Variants in UBE2N observed in about 807,000 individuals in gnomAD.
UBE2N encodes ubiquitin-conjugating enzyme E2 N.
For synonymous variants in UBE2N, 70 were observed against 69.2 expected (o/e 1.01, Z -0.06); for missense variants, 60 against 192.1 (o/e 0.31, Z 4.07).
At chr12:93,438,335 T>C (rs1565799531) in intron 1 of UBE2N, among the ~76,000 whole-genome samples, 2 of 151,968 alleles carry the variant, frequency 1.3e-5, no homozygotes, top group African/African-American at 4.8e-5. Flanking sequence ...AAAGGGAAAC[T>C]GGTTTATACG....
At chr12:93,420,967 A>G (rs1319072861) in intron 1 of UBE2N, among the ~76,000 whole-genome samples, 2 of 152,204 alleles carry the variant, frequency 1.3e-5, no homozygotes, top group African/African-American at 4.8e-5. Flanking sequence ...TCCCAGATAT[A>G]CAGAGAATCA....
intron 1 of UBE2N, 99 bp from the exon 2 acceptor site, chr12:93,411,398 G>C: frequency 6.8e-7 from 1 of 1,468,520 alleles, no homozygotes; most frequent in Non-Finnish European, 9.1e-7. Context: ...ACGCATAATA[G>C]AACAGCTCCA....
intron 1 of UBE2N, among the ~76,000 whole-genome samples, chr12:93,423,452 G>A (rs1017961102): frequency 4.6e-5 from 7 of 152,130 alleles, no homozygotes; most frequent in African/African-American, 7.2e-5. Context: ...AGTCAAAAGA[G>A]GAGAGCATAC....
intron 1 of UBE2N, among the ~76,000 whole-genome samples, chr12:93,421,210 G>A (rs543699975): frequency 9.4e-5 from 14 of 148,196 alleles, no homozygotes; most frequent in Non-Finnish European, 1.9e-4. Context: ...TTTTTTTTGG[G>A]GGGGCTGGGG....
At position 93,433,720 on chromosome 12, in the gene UBE2N, C is replaced by G. The variant is rs190192846; in HGVS notation, c.30+8135G>C. On this transcript the variant is annotated intron_variant, in intron 1 of 3. Transcript: ENST00000318066. ...ACTATAATTGTAATGTCAAAAGCCC[C>G]TGCTGGATGCTGCTGTCCTCATTTC... 7.9e-5 allele frequency among the ~76,000 whole-genome samples: 12 copies of G among 152,292 alleles called. No individual in the cohort carries two copies. In the East Asian group the frequency reaches 2.1e-3, roughly 27 times the overall value.
chr12:93,411,541 A>G (rs566753102), intron 1 of UBE2N, among the ~76,000 whole-genome samples: 1 of 152,328 alleles, frequency 6.6e-6, no homozygotes, highest in South Asian at 2.1e-4. Context: ...ATGTCTACAA[A>G]TATGTTAATA....
intron 1 of UBE2N, among the ~76,000 whole-genome samples, chr12:93,421,818 T>C (rs558905764): frequency 1.4e-4 from 21 of 152,338 alleles, no homozygotes; most frequent in Non-Finnish European, 2.2e-4. Flanking sequence ...TTTCGTGACT[T>C]TGAAATATAA....
At chr12:93,416,897 T>TA (rs1371731814) in intron 1 of UBE2N, among the ~76,000 whole-genome samples, 2 of 142,606 alleles carry the variant, frequency 1.4e-5, no homozygotes, top group African/African-American at 5.1e-5. Context: ...TGAGATCACA[T>TA]AGGAAGGCCA....
At chr12:93,429,528 T>C (rs1320038654) in intron 1 of UBE2N, among the ~76,000 whole-genome samples, 1 of 151,510 alleles carries the variant, frequency 6.6e-6, no homozygotes, top group African/African-American at 2.4e-5. Flanking sequence ...ACTATACTTT[T>C]ATTGATTATT....
In UBE2N at chr12:93,409,671, AAAAATAAAAT is replaced by A. The variant is rs527860095; in HGVS notation, c.*358_*367del. 3.9e-4 allele frequency: 70 copies of A among 177,984 alleles called. 1 individual carries two copies. In the East Asian group the frequency reaches 0.011, roughly 28 times the overall value. 11.0% of individuals were successfully genotyped at this position (177,984 alleles called of 1,614,324 possible). A position where few individuals can be genotyped will look rare whatever the true frequency, so the allele number is the denominator to read the frequency against. On this transcript the variant is annotated 3_prime_UTR_variant, in exon 4 of 4. Transcript: ENST00000318066. ...ATAAAATTAAACTACCTCCCCCCTC[AAAAATAAAAT>A]AAAATAAAATAAAATAAAAACACCC...
rs1047863360 is a variant in UBE2N, at chr12:93,408,083, T to C, written c.*1956A>G. On this transcript the variant is annotated 3_prime_UTR_variant, in exon 4 of 4. Coordinates refer to ENST00000318066, the MANE Select transcript of UBE2N (RefSeq NM_003348.4). ...TCATGGTTTGTAAATCACTATGTGA[T>C]ACTAGCTATAACCATGAGCAATATT... 2.0e-5 allele frequency: 3 copies of C among 152,254 alleles called. No individual in the cohort carries two copies. Among genetic ancestry groups the C allele is most frequent in the Non-Finnish European group, 2.9e-5 (2 of 68,040 alleles). 9.4% of individuals were successfully genotyped at this position (152,254 alleles called of 1,614,324 possible).
intron 1 of UBE2N, among the ~76,000 whole-genome samples, chr12:93,411,842 C>A (rs1392796248): frequency 6.6e-6 from 1 of 151,926 alleles, no homozygotes; most frequent in Non-Finnish European, 1.5e-5. Flanking sequence ...TACAGGTGTG[C>A]GCCACCACAC....
chr12:93,434,442 C>T (rs779294231), intron 1 of UBE2N, among the ~76,000 whole-genome samples: 1 of 152,210 alleles, frequency 6.6e-6, no homozygotes, highest in Non-Finnish European at 1.5e-5. Flanking sequence ...CTTAATTTCA[C>T]TTGTGCAGGA....
intron 1 of UBE2N, among the ~76,000 whole-genome samples, chr12:93,422,464 G>A (rs535252738): frequency 1.1e-4 from 16 of 152,284 alleles, no homozygotes; most frequent in Middle Eastern, 3.4e-3. Context: ...ACAGTTCATT[G>A]GGACTGCTGT....
intron 1 of UBE2N, chr12:93,429,192 C>T: frequency 3.1e-6 from 1 of 326,258 alleles, no homozygotes; most frequent in Non-Finnish European, 5.8e-6. Flanking sequence ...GCTGCTTGAA[C>T]CCAGGAGGCG....
chr12:93,406,967 T>C lies in UBE2N; in HGVS notation c.*3072A>G, dbSNP rs1365144940. The C allele has an allele frequency of 1.3e-5, 2 of 152,166 alleles. No homozygotes were observed. Among genetic ancestry groups the C allele is most frequent in the South Asian group, 2.1e-4 (1 of 4,828 alleles). The allele number at this position is 152,166 out of a possible 1,614,324, so 9.4% of individuals were successfully genotyped here. A position where few individuals can be genotyped will look rare whatever the true frequency, so the allele number is the denominator to read the frequency against. ...ACTACAACAATCAAGTCAAAAAACATAAAGCTCCTATCAACACCTCAAGAT... is the reference window on the plus strand; with the variant it reads ...ACTACAACAATCAAGTCAAAAAACACAAAGCTCCTATCAACACCTCAAGAT... On this transcript the variant is annotated 3_prime_UTR_variant, in exon 4 of 4. Coordinates refer to ENST00000318066, the MANE Select transcript of UBE2N (RefSeq NM_003348.4).
intron 1 of UBE2N, among the ~76,000 whole-genome samples, chr12:93,418,250 C>T (rs12830302): frequency 0.1 from 15,571 of 152,094 alleles, 936 homozygotes; most frequent in Middle Eastern, 0.17. Flanking sequence ...ATAGTCCTAG[C>T]GTACTTGGGA....
intron 1 of UBE2N, among the ~76,000 whole-genome samples, chr12:93,416,856 C>A (rs1194977161): frequency 2.9e-4 from 22 of 75,718 alleles, no homozygotes; most frequent in African/African-American, 1.0e-3. Context: ...CCCATCACTA[C>A]CAAAAAAAAA....
rs554444239 is a variant in UBE2N at position 93,407,397 on chromosome 12, T to C, written c.*2642A>G. 2 of 152,258 alleles carry C rather than the reference T, an allele frequency of 1.3e-5. No individual in the cohort carries two copies. The highest frequency in any genetic ancestry group is 4.1e-4 in the South Asian group (2 of 4,830). The allele number at this position is 152,258 out of a possible 1,614,324, so 9.4% of individuals were successfully genotyped here. Reference sequence around the variant, plus strand: ...TCACCACCTAATCATCCCCAACAACTAGTGGGCAAACATGAAACACTTTTG... The same window carrying C: ...TCACCACCTAATCATCCCCAACAACCAGTGGGCAAACATGAAACACTTTTG... On this transcript the variant is annotated 3_prime_UTR_variant, in exon 4 of 4. Coordinates refer to ENST00000318066, the MANE Select transcript of UBE2N (RefSeq NM_003348.4).
Sources: gnomAD v4.1 joint callset for allele counts (sites outside exome capture counted in the v4.1 genomes callset) on GRCh38, gnomAD v4.1.1 for gene constraint, MANE v1.5 for transcripts, NCBI Gene and HGNC (gene_info 2026-07-23, HGNC 2026-07-21) for gene names.